Variants in ZNF500 observed in about 807,000 individuals in gnomAD.
ZNF500 encodes the protein zinc finger protein with KRAB and SCAN domains 18.
ZNF500 carries 31 observed loss-of-function variants against 30.1 expected under a neutral mutation model. The ratio of observed to expected loss-of-function variants is 1.03; its 90% CI spans 0.77 to 1.39. The LOEUF (loss-of-function observed/expected upper bound fraction) is 1.39, where lower values mean the gene tolerates loss of function less well. Among genes scored for constraint, ZNF500 ranks in the 40% most tolerant of loss-of-function variants. ZNF500 has a pLI of 0.00. For synonymous variants in ZNF500, 392 were observed against 282.0 expected, an observed-to-expected ratio of 1.39 and a Z score of -3.91; for missense variants, 817 against 657.8, an observed-to-expected ratio of 1.24 and a Z score of -2.65.
chr16:4,763,830 G>C (rs1338938233), intron 2 of ZNF500: 1 of 985,344 alleles, frequency 1.0e-6, no homozygotes, highest in Non-Finnish European at 1.2e-6. Flanking sequence ...ACTGCGGTCA[G>C]CTCACGCCGT....
At chr16:4,761,010 A>T (rs1288161886) in intron 4 of ZNF500, among the ~76,000 whole-genome samples, 1 of 152,196 alleles carries the variant, frequency 6.6e-6, no homozygotes, top group Non-Finnish European at 1.5e-5. Context: ...AGCATGATTA[A>T]AAAAACAAGC....
chr16:4,759,799 G>A (rs1385802635), intron 5 of ZNF500, among the ~76,000 whole-genome samples: 1 of 152,062 alleles, frequency 6.6e-6, no homozygotes, highest in Non-Finnish European at 1.5e-5. Context: ...CACTTTGGGA[G>A]GCCTAGGCCA....
Position 4,752,958 on chromosome 16 carries a change from G to A in ZNF500, c.861C>T (p.Gly287=). The A allele has an allele frequency of 1.7e-5, 28 of 1,609,692 alleles. No individual in the cohort carries two copies. Among genetic ancestry groups the A allele is most frequent in the Non-Finnish European group, 2.4e-5 (28 of 1,178,042 alleles). The stretch of plus-strand genomic sequence containing the variant: ...CTGGCCTCTGACCTGGGAGCGGGTG[G>A]CCAGGCCCCTGGCATCGTGCCGAGA... ...RVLSARCQGP[G]HPLPGQRPAP... Residue 287 remains glycine (G), a synonymous_variant, in exon 6 of 6, where the codon GGC becomes GGT. Coordinates refer to ENST00000219478, the MANE Select transcript of ZNF500 (RefSeq NM_021646.4).
rs914051582 is a variant in ZNF500 at position 4,764,061 on chromosome 16, G to C, written c.415-1305C>G. Reference sequence around the variant, plus strand: ...CTGAAGCAGCAGGAATGAGTAAGAGGCTTCCTCTACTCCTTCAAATGGGGC... The same window carrying C: ...CTGAAGCAGCAGGAATGAGTAAGAGCCTTCCTCTACTCCTTCAAATGGGGC... On this transcript the variant is annotated intron_variant, in intron 2 of 5. Coordinates refer to ENST00000219478, the MANE Select transcript of ZNF500 (RefSeq NM_021646.4). The C allele has an allele frequency of 4.1e-6, 4 of 985,410 alleles. No individual in the cohort carries two copies. The South Asian group carries it at 1.9e-4, about 46-fold the overall frequency. The allele number at this position is 985,410 out of a possible 1,614,324, so 61.0% of individuals were successfully genotyped here.
chr16:4,764,791 G>GA (rs34386241), intron 2 of ZNF500, among the ~76,000 whole-genome samples: 7,603 of 131,890 alleles, frequency 0.058, 618 homozygotes, highest in African/African-American at 0.2. Flanking sequence ...CAAAAAAAAA[G>GA]AAAAAAAAAA....
downstream of ZNF500, among the ~76,000 whole-genome samples, chr16:4,747,913 G>C (rs1314200946): frequency 6.6e-6 from 1 of 152,130 alleles, no homozygotes; most frequent in Non-Finnish European, 1.5e-5. Context: ...AGGAGGACGG[G>C]GTGCTGCTCT....
chr16:4,752,506 G>A lies in ZNF500; in HGVS notation c.1313C>T (p.Thr438Ile), dbSNP rs1199480954. The change falls in exon 6 of 6, where the codon ACC becomes ATC. Residue 438 changes from threonine to isoleucine, a missense_variant. Thr to Ile is a moderately conservative substitution (Grantham distance 89). Coordinates refer to ENST00000219478, the MANE Select transcript of ZNF500 (RefSeq NM_021646.4). Reference protein sequence around the residue: ...RRTHTGEKPYTCPACGRGFRR... With the variant: ...RRTHTGEKPYICPACGRGFRR... ...GAAGCCCCGGCCACAGGCCGGGCAG[G>A]TGTAGGGCTTCTCACCTGTGTGCGT... 5 of 1,556,026 alleles carry A rather than the reference G, an allele frequency of 3.2e-6. No homozygotes were observed. Among genetic ancestry groups the A allele is most frequent in the East Asian group, 4.8e-5 (2 of 41,712 alleles).
chr16:4,765,511 C>G, intron 2 of ZNF500, 54 bp downstream of exon 2: 1 of 1,533,388 alleles, frequency 6.5e-7, no homozygotes, highest in South Asian at 1.3e-5. Context: ...CAGCTGCAGA[C>G]CCCAGCAGCA....
At chr16:4,765,411 C>T (rs2082252993) in intron 2 of ZNF500, among the ~76,000 whole-genome samples, 154 bp downstream of exon 2, 1 of 152,200 alleles carries the variant, frequency 6.6e-6, no homozygotes, top group Non-Finnish European at 1.5e-5. Context: ...ACCCATTAGC[C>T]AAGGCTGAGA....
rs368657863 is a variant in ZNF500, at chr16:4,762,536, G to A, written c.598+37C>T. Reference sequence around the variant, plus strand: ...CCAGTCACCTTCACCTCCCTCCCCTGCACCACTTCTCATTCCTCCAAAGGG... The same window carrying A: ...CCAGTCACCTTCACCTCCCTCCCCTACACCACTTCTCATTCCTCCAAAGGG... On this transcript the variant is annotated intron_variant, in intron 3 of 5. Coordinates refer to ENST00000219478, the MANE Select transcript of ZNF500 (RefSeq NM_021646.4). 21 of 1,581,634 alleles carry A rather than the reference G, an allele frequency of 1.3e-5. No individual in the cohort carries two copies. The African/African-American group carries it at 2.0e-4, about 15-fold the overall frequency.
intron 5 of ZNF500, among the ~76,000 whole-genome samples, chr16:4,759,842 G>C (rs551606568): frequency 6.6e-6 from 1 of 152,322 alleles, no homozygotes; most frequent in East Asian, 1.9e-4. Flanking sequence ...TTCGAGACCA[G>C]CCTGGCCAAC....
chr16:4,746,160 T>C (rs771112569), downstream of ZNF500: 7 of 509,020 alleles, frequency 1.4e-5, no homozygotes, highest in African/African-American at 3.9e-5. Flanking sequence ...ATAGAGAGCA[T>C]GTCCATCATG....
chr16:4,761,264 C>T (rs2082195926), intron 4 of ZNF500, among the ~76,000 whole-genome samples: 1 of 151,850 alleles, frequency 6.6e-6, no homozygotes, highest in African/African-American at 2.4e-5. Flanking sequence ...TGGTGAAACC[C>T]CATCTGTACT....
At chr16:4,766,170 T>TA in intron 1 of ZNF500, 94 bp from the exon 2 acceptor site, 1 of 522,202 alleles carries the variant, frequency 1.9e-6, no homozygotes, top group East Asian at 3.2e-5. Flanking sequence ...CAAGGCCAGC[T>TA]CACCCCACCA....
intron 3 of ZNF500, 36 bp downstream of exon 3, chr16:4,762,537 C>T (rs1435366442): frequency 6.3e-7 from 1 of 1,583,320 alleles, no homozygotes; most frequent in South Asian, 1.2e-5. Flanking sequence ...CCCTCCCCTG[C>T]ACCACTTCTC....
intron 5 of ZNF500, among the ~76,000 whole-genome samples, chr16:4,755,603 C>T (rs958516176): frequency 6.6e-6 from 1 of 152,194 alleles, no homozygotes; most frequent in Non-Finnish European, 1.5e-5. Context: ...AGGGGTGAGC[C>T]ACCATGCCTG....
chr16:4,752,748 GACTAGGC>G lies in ZNF500; in HGVS notation c.1064_1070del (p.Cys355SerfsTer129). 2 of 1,614,222 alleles carry G rather than the reference GACTAGGC, an allele frequency of 1.2e-6. No individual in the cohort carries two copies. The highest frequency in any genetic ancestry group is 1.7e-6 in the Non-Finnish European group (2 of 1,180,026). On this transcript the variant is annotated frameshift_variant, in exon 6 of 6. Transcript: ENST00000219478. LOFTEE classifies it low-confidence loss of function (END_TRUNC). The stretch of plus-strand genomic sequence containing the variant: ...AGCGGTCGCTAAAGCCCTTCCCACA[GACTAGGC>G]ACTTGTAAGGCCGCTCGCCCGTGTG...
chr16:4,751,611 G>T lies in ZNF500; in HGVS notation c.*765C>A. The T allele has an allele frequency of 6.5e-7, 1 of 1,535,336 alleles. No individual in the cohort carries two copies. Among genetic ancestry groups the T allele is most frequent in the Non-Finnish European group, 8.7e-7 (1 of 1,146,750 alleles). ...GGGTACAGCAGGGCTCCCTGCAGCA[G>T]ACGAGGGGTCCCTCAAATTCATGTG... On this transcript the variant is annotated 3_prime_UTR_variant, in exon 6 of 6. Coordinates refer to ENST00000219478, the MANE Select transcript of ZNF500 (RefSeq NM_021646.4).
intron 5 of ZNF500, among the ~76,000 whole-genome samples, chr16:4,756,180 T>C (rs1368593344): frequency 6.6e-6 from 1 of 152,198 alleles, no homozygotes; most frequent in Non-Finnish European, 1.5e-5. Flanking sequence ...GGCTGATCAT[T>C]TGACGTCAGG....
Sources: gnomAD v4.1 joint callset for allele counts (sites outside exome capture counted in the v4.1 genomes callset) on GRCh38, gnomAD v4.1.1 for gene constraint, MANE v1.5 for transcripts, NCBI Gene and HGNC (gene_info 2026-07-23, HGNC 2026-07-21) for gene names.